CHRNA7: variants seen among roughly 807,000 people sequenced by gnomAD.
CHRNA7 encodes the protein cholinergic receptor nicotinic alpha 7 subunit, also known as neuronal acetylcholine receptor subunit alpha-7.
In CHRNA7, 17 loss-of-function variants were observed where a neutral mutation model predicts 48.0. The ratio of observed to expected loss-of-function variants is 0.35; its 90% confidence interval spans 0.24 to 0.53. The LOEUF is 0.53. CHRNA7 is among the 20% of genes least tolerant of loss of function. The probability of loss-of-function intolerance (pLI) is 0.92; values close to 1 mark genes in which losing one functional copy is unlikely to be tolerated. For synonymous variants in CHRNA7, 75 were observed against 242.3 expected (o/e 0.31, Z 6.41); for missense variants, 155 against 577.7 (o/e 0.27, Z 7.50).
At chr15:32,139,366 T>G (rs1566867682) in intron 4 of CHRNA7, among the ~76,000 whole-genome samples, 1 of 152,248 alleles carries the variant, frequency 6.6e-6, no homozygotes. Context: ...TCTGCTCCTT[T>G]GGATAAATAC....
chr15:32,126,418 C>T (rs2051067461), intron 4 of CHRNA7, among the ~76,000 whole-genome samples: 1 of 152,144 alleles, frequency 6.6e-6, no homozygotes, highest in Admixed American at 6.5e-5. Flanking sequence ...CTTTGTTGAA[C>T]TCTGCCTCAT....
intron 2 of CHRNA7, among the ~76,000 whole-genome samples, chr15:32,090,066 T>A (rs1460532909): frequency 6.6e-6 from 1 of 152,234 alleles, no homozygotes; most frequent in Non-Finnish European, 1.5e-5. Flanking sequence ...TCTGTAATCC[T>A]ATGTTACATG....
At chr15:32,051,660 G>C (rs7178829) in intron 2 of CHRNA7, among the ~76,000 whole-genome samples, 43,463 of 152,078 alleles carry the variant, frequency 0.29, 7,982 homozygotes, top group East Asian at 0.61. Context: ...CACCGACTGT[G>C]CTGCGCCCAC....
chr15:32,045,541 G>GTTT (rs749524106), intron 2 of CHRNA7, among the ~76,000 whole-genome samples: 1 of 145,040 alleles, frequency 6.9e-6, no homozygotes, highest in Non-Finnish European at 1.5e-5. Flanking sequence ...TCTTCAATAA[G>GTTT]TTTTTTTTTT....
rs1231889582 is a variant in CHRNA7, at chr15:32,030,583, C to G, written c.-12C>G. 2.6e-6 allele frequency: 4 copies of G among 1,524,374 alleles called. No homozygotes were observed. The highest frequency in any genetic ancestry group is 1.4e-5 in the African/African-American group (1 of 69,470). 94.4% of individuals were successfully genotyped at this position (1,524,374 alleles called of 1,614,324 possible). On this transcript the variant is annotated 5_prime_UTR_variant, in exon 1 of 10. Coordinates refer to ENST00000306901, the MANE Select transcript of CHRNA7 (RefSeq NM_000746.6). ...TGGAGCGCGCCGGCTCGCTGCAGCT[C>G]CGGGACTCAACATGCGCTGCTCGCC...
chr15:32,037,175 GTTGAAAAGATGATCT>G (rs1902132470), intron 2 of CHRNA7, among the ~76,000 whole-genome samples: 1 of 152,112 alleles, frequency 6.6e-6, no homozygotes, highest in Admixed American at 6.6e-5. Context: ...AGCACCATTT[GTTGAAAAGATGATCT>G]TTGCTCCATT....
intron 4 of CHRNA7, among the ~76,000 whole-genome samples, chr15:32,121,725 C>G (rs950563060): frequency 6.6e-6 from 1 of 152,112 alleles, no homozygotes; most frequent in African/African-American, 2.4e-5. Flanking sequence ...GTTAATGGTG[C>G]CTTTTTTCAC....
At chr15:32,064,259 T>TC (rs2141208581) in intron 2 of CHRNA7, among the ~76,000 whole-genome samples, 1 of 151,492 alleles carries the variant, frequency 6.6e-6, no homozygotes, top group East Asian at 1.9e-4. Flanking sequence ...CCCTTTCCCT[T>TC]CCCCTTCTTC....
chr15:32,142,807 G>C lies in CHRNA7; in HGVS notation c.351-11100G>C, dbSNP rs1043704634. ...TATTGCGTCTATTTGATTTTTCTCTGTTTTCTTCTTTATTAGTCTTGCTAG... is the reference window on the plus strand; with the variant it reads ...TATTGCGTCTATTTGATTTTTCTCTCTTTTCTTCTTTATTAGTCTTGCTAG... On this transcript the variant is annotated intron_variant, in intron 4 of 9. Transcript: ENST00000306901. Among the ~76,000 whole-genome samples, 40 of 151,828 alleles carry C rather than the reference G, an allele frequency of 2.6e-4. 1 individual carries two copies. In the Middle Eastern group the frequency reaches 0.014, roughly 52 times the overall value.
At chr15:32,120,481 G>C (rs1050089654) in intron 4 of CHRNA7, among the ~76,000 whole-genome samples, 1 of 151,582 alleles carries the variant, frequency 6.6e-6, no homozygotes, top group African/African-American at 2.4e-5. Flanking sequence ...GTCGCCTCTT[G>C]ACTGATTTCA....
chr15:32,150,313 C>T (rs1281954952), intron 4 of CHRNA7, among the ~76,000 whole-genome samples: 1 of 152,176 alleles, frequency 6.6e-6, no homozygotes, highest in East Asian at 1.9e-4. Context: ...CCCTCTGGGC[C>T]TCCCAAAGTG....
intron 2 of CHRNA7, among the ~76,000 whole-genome samples, chr15:32,095,954 T>C (rs59570531): frequency 0.011 from 1,645 of 152,350 alleles, 42 homozygotes; most frequent in African/African-American, 0.038. Flanking sequence ...TTTCTGTACT[T>C]AGCTGTGTGA....
chr15:32,146,855 T>C (rs555575753), intron 4 of CHRNA7, among the ~76,000 whole-genome samples: 23 of 152,294 alleles, frequency 1.5e-4, no homozygotes, highest in African/African-American at 5.5e-4. Context: ...AAATTTACAA[T>C]GATGAGCAAA....
intron 4 of CHRNA7, among the ~76,000 whole-genome samples, chr15:32,117,224 C>T (rs976677856): frequency 1.3e-5 from 2 of 152,180 alleles, no homozygotes; most frequent in Admixed American, 1.3e-4. Flanking sequence ...TACTGGGGAG[C>T]TCTGGGAGAC....
chr15:32,030,564 G>A lies in CHRNA7; in HGVS notation c.-31G>A, dbSNP rs760855453. The A allele has an allele frequency of 6.8e-7, 1 of 1,465,400 alleles. No homozygotes were observed. The highest frequency in any genetic ancestry group is 3.0e-5 in the East Asian group (1 of 33,580). 90.8% of individuals were successfully genotyped at this position (1,465,400 alleles called of 1,614,324 possible). ...CCGGGCGACAGCCGAGACGTGGAGC[G>A]CGCCGGCTCGCTGCAGCTCCGGGAC... On this transcript the variant is annotated 5_prime_UTR_variant, in exon 1 of 10. Transcript: ENST00000306901.
intron 4 of CHRNA7, among the ~76,000 whole-genome samples, chr15:32,125,399 G>A (rs1188463162): frequency 6.6e-6 from 1 of 152,228 alleles, no homozygotes; most frequent in Non-Finnish European, 1.5e-5. Flanking sequence ...GGGTCTGCCA[G>A]CTCTCCTTCC....
chr15:32,132,264 G>T (rs563529374), intron 4 of CHRNA7, among the ~76,000 whole-genome samples: 1 of 152,168 alleles, frequency 6.6e-6, no homozygotes, highest in African/African-American at 2.4e-5. Context: ...GTCTGTACCT[G>T]TTGGGGTTTT....
intron 4 of CHRNA7, among the ~76,000 whole-genome samples, chr15:32,140,148 C>T (rs1292037265): frequency 2.0e-5 from 3 of 150,938 alleles, no homozygotes; most frequent in Non-Finnish European, 2.9e-5. Flanking sequence ...GTTCAGTTCC[C>T]GTCTATGAAT....
intron 4 of CHRNA7, among the ~76,000 whole-genome samples, chr15:32,153,148 C>T (rs1005681223): frequency 2.6e-5 from 4 of 152,134 alleles, no homozygotes; most frequent in Non-Finnish European, 4.4e-5. Context: ...GGGCCGGGCA[C>T]GGTGGCTCAC....
Sources: allele counts gnomAD v4.1 joint callset (sites outside exome capture counted in the v4.1 genomes callset), GRCh38; gene constraint gnomAD v4.1.1; transcripts MANE v1.5; gene names NCBI Gene and HGNC (gene_info 2026-07-23, HGNC 2026-07-21).